Variants in ALMS1 observed in about 807,000 individuals in gnomAD.
The protein encoded by ALMS1 is centrosome-associated protein ALMS1.
ALMS1 carries 271 observed loss-of-function variants against 352.2 expected under a neutral mutation model. The observed-to-expected ratio is 0.77, with a 90% CI of 0.70 to 0.85. ALMS1 has a LOEUF of 0.85. ALMS1 is among the 40% of genes least tolerant of loss of function. The probability of loss-of-function intolerance (pLI) is 0.00; values close to 1 mark genes in which losing one functional copy is unlikely to be tolerated. For missense variants in ALMS1, 5,445 were observed against 4,870.7 expected (o/e 1.12, Z -3.51); for synonymous variants, 1,865 against 1,761.2 (o/e 1.06, Z -1.48).
At chr2:73,427,336 C>T (rs1406563106) in intron 6 of ALMS1, among the ~76,000 whole-genome samples, 1 of 152,140 alleles carries the variant, frequency 6.6e-6, no homozygotes, top group Non-Finnish European at 1.5e-5. Flanking sequence ...TCCAAACTGG[C>T]CAGTGTCTCT....
intron 16 of ALMS1, among the ~76,000 whole-genome samples, chr2:73,576,080 T>C: frequency 6.6e-6 from 1 of 152,226 alleles, no homozygotes; most frequent in East Asian, 1.9e-4. Context: ...AAGACTTTTT[T>C]TCCCCATTGA....
chr2:73,441,019 T>C (rs1198369738), intron 7 of ALMS1, among the ~76,000 whole-genome samples: 4 of 152,168 alleles, frequency 2.6e-5, no homozygotes, highest in African/African-American at 9.7e-5. Flanking sequence ...GGTGGAATGG[T>C]CTTCCTCAAG....
chr2:73,557,632 G>A (rs534410141), intron 14 of ALMS1, among the ~76,000 whole-genome samples: 9 of 152,202 alleles, frequency 5.9e-5, no homozygotes, highest in Admixed American at 5.9e-4. Context: ...TTCATTTAAT[G>A]GACTTTTTAC....
In ALMS1 at chr2:73,448,717, C is replaced by T. The variant is rs7598901; in HGVS notation, c.2190C>T (p.Phe730=). The T allele has an allele frequency of 0.61, 982,511 of 1,613,450 alleles. 307,344 individuals carry two copies. The highest frequency in any genetic ancestry group is 0.75 in the East Asian group (33,615 of 44,842). The part of the protein sequence containing the change: ...EKPGIFYQQE[F]ADSHQTEETL... ...CTGGTATTTTTTACCAACAAGAGTT[C>T]GCAGACAGTCATCAAACTGAAGAGA... is the stretch of plus-strand genomic sequence containing the variant. The change falls in exon 8 of 23, where the codon TTC becomes TTT. Residue 730 remains phenylalanine, a synonymous_variant. Coordinates refer to ENST00000613296, the MANE Select transcript of ALMS1 (RefSeq NM_001378454.1).
intron 1 of ALMS1, among the ~76,000 whole-genome samples, chr2:73,389,189 T>C (rs189444837): frequency 2.0e-5 from 3 of 152,288 alleles, no homozygotes; most frequent in Admixed American, 6.5e-5. Context: ...CTCTGATGCT[T>C]AGTGATGTTG....
intron 15 of ALMS1, among the ~76,000 whole-genome samples, chr2:73,560,201 T>C (rs1674628177): frequency 6.6e-6 from 1 of 152,116 alleles, no homozygotes; most frequent in East Asian, 1.9e-4. Context: ...CCCAAACAAC[T>C]TATTTTTAAA....
Position 73,453,317 on chromosome 2 carries a change from A to G in ALMS1, c.6790A>G (p.Thr2264Ala), listed in dbSNP as rs772620985. The change falls in exon 8 of 23, where the codon ACA (threonine) becomes GCA (alanine). Residue 2264 changes from threonine (T) to alanine (A), a missense_variant. By Grantham distance (58) the Thr-to-Ala change is moderately conservative. Coordinates refer to ENST00000613296, the MANE Select transcript of ALMS1 (RefSeq NM_001378454.1). ...TGCTAAAACTCTTAAGGAAATTCGG[A>G]CACTTTTGATGGAGGCAGAAAATAT... ...NSAKTLKEIR[T>A]LLMEAENMAL... 8 of 1,613,786 alleles carry G rather than the reference A, an allele frequency of 5.0e-6. No homozygotes were observed. In the Admixed American group the frequency reaches 1.2e-4, roughly 24 times the overall value.
At chr2:73,464,296 C>G (rs1391488576) in intron 9 of ALMS1, among the ~76,000 whole-genome samples, 1 of 152,162 alleles carries the variant, frequency 6.6e-6, no homozygotes, top group Non-Finnish European at 1.5e-5. Flanking sequence ...TCAACATATG[C>G]AAATCAATAA....
intron 1 of ALMS1, 55 bp from the exon 2 acceptor site, chr2:73,408,567 G>A: frequency 1.3e-6 from 2 of 1,574,310 alleles, no homozygotes; most frequent in Non-Finnish European, 1.7e-6. Flanking sequence ...TATTTTTGTT[G>A]TATAATCATA....
At chr2:73,401,383 C>T (rs924325674) in intron 1 of ALMS1, among the ~76,000 whole-genome samples, 1 of 152,100 alleles carries the variant, frequency 6.6e-6, no homozygotes, top group African/African-American at 2.4e-5. Context: ...TCCCAGTAAG[C>T]ACTACTTTTG....
chr2:73,554,408 G>A (rs1379140153), intron 13 of ALMS1, among the ~76,000 whole-genome samples: 1 of 151,988 alleles, frequency 6.6e-6, no homozygotes. Flanking sequence ...GAAAGACCAG[G>A]AAATAGAGAA....
intron 16 of ALMS1, among the ~76,000 whole-genome samples, chr2:73,585,726 C>CATTTTTTTTTT (rs749192981): frequency 8.4e-6 from 1 of 119,554 alleles, no homozygotes; most frequent in African/African-American, 3.5e-5. Context: ...ACTTCTTGGC[C>CATTTTTTTTTT]TTTTTTTTTT....
chr2:73,474,361 CTTG>C (rs879302327), intron 9 of ALMS1, among the ~76,000 whole-genome samples: 6 of 134,618 alleles, frequency 4.5e-5, no homozygotes, highest in Non-Finnish European at 7.8e-5. Context: ...CTTTTTAGTG[CTTG>C]TTGACTCTGT....
upstream of ALMS1, chr2:73,385,816 C>T (rs868088238): frequency 1.3e-5 from 9 of 681,618 alleles, no homozygotes; most frequent in Middle Eastern, 3.8e-4. Context: ...TCTCCCCTTC[C>T]CCTCCCTCCC....
intron 9 of ALMS1, among the ~76,000 whole-genome samples, chr2:73,476,936 A>G (rs1438814348): frequency 1.3e-5 from 2 of 152,140 alleles, no homozygotes; most frequent in South Asian, 4.1e-4. Context: ...TGATAAAACA[A>G]GAGTTAAGTT....
Position 73,455,156 on chromosome 2 carries a change from C to T in ALMS1, c.7541-6C>T, listed in dbSNP as rs1408073039. On this transcript the variant is annotated splice_region_variant and splice_polypyrimidine_tract_variant and intron_variant, in intron 8 of 22. Transcript: ENST00000613296. ...GTATTATCTCAAGTGTATGCTTTCT[C>T]TCCAGCCTGGAATATGAAGTTCAAT... The T allele has an allele frequency of 6.8e-6, 11 of 1,613,010 alleles. No individual in the cohort carries two copies. The Admixed American group carries it at 8.3e-5, about 12-fold the overall frequency.
intron 10 of ALMS1, among the ~76,000 whole-genome samples, chr2:73,518,147 CTGT>C (rs939177590): frequency 6.7e-6 from 1 of 148,874 alleles, no homozygotes; most frequent in East Asian, 2.0e-4. Context: ...GCCCCAGTGT[CTGT>C]TGTTCCCCTC....
At chr2:73,487,656 G>A (rs888261239) in intron 9 of ALMS1, among the ~76,000 whole-genome samples, 2 of 152,302 alleles carry the variant, frequency 1.3e-5, no homozygotes, top group African/African-American at 4.8e-5. Flanking sequence ...ACCATTTGGT[G>A]GATCCTGAGC....
At chr2:73,541,726 A>G (rs1674187129) in intron 12 of ALMS1, among the ~76,000 whole-genome samples, 1 of 152,248 alleles carries the variant, frequency 6.6e-6, no homozygotes. Flanking sequence ...ACCATCAGAG[A>G]ATACTACAAA....
Sources: allele counts gnomAD v4.1 joint callset (sites outside exome capture counted in the v4.1 genomes callset), GRCh38; gene constraint gnomAD v4.1.1; transcripts MANE v1.5; gene names NCBI Gene and HGNC (gene_info 2026-07-23, HGNC 2026-07-21).